Variants in AGBL1 observed in about 807,000 individuals in gnomAD.
AGBL1 encodes AGBL carboxypeptidase 1, also known as cytosolic carboxypeptidase 4.
AGBL1 carries 130 observed loss-of-function variants against 118.9 expected under a neutral mutation model. That is an observed-to-expected ratio of 1.09 (90% CI 0.95 to 1.26). AGBL1 has a LOEUF of 1.26. Ranked by LOEUF, AGBL1 falls within the 50% of genes most tolerant of loss-of-function variation. The pLI is 0.00. For missense variants in AGBL1, 1,584 were observed against 1,298.1 expected (o/e 1.22, Z -3.38); for synonymous variants, 555 against 478.9 (o/e 1.16, Z -2.08).
intron 5 of AGBL1, among the ~76,000 whole-genome samples, chr15:86,182,131 A>T (rs1216506822): frequency 6.6e-6 from 1 of 152,052 alleles, no homozygotes; most frequent in East Asian, 1.9e-4. Context: ...GGTGGGACAA[A>T]TAATTGGTTG....
At chr15:86,382,344 A>G (rs1464037344) in intron 17 of AGBL1, among the ~76,000 whole-genome samples, 2 of 152,204 alleles carry the variant, frequency 1.3e-5, no homozygotes, top group Non-Finnish European at 2.9e-5. Flanking sequence ...CTTTGTATGC[A>G]GATCTCAATT....
chr15:86,700,203 A>G (rs750372986), intron 22 of AGBL1, among the ~76,000 whole-genome samples: 11 of 151,906 alleles, frequency 7.2e-5, no homozygotes, highest in Non-Finnish European at 1.2e-4. Flanking sequence ...CATTATTATC[A>G]TTATTTATTT....
At chr15:86,680,700 G>T (rs2085938903) in intron 22 of AGBL1, among the ~76,000 whole-genome samples, 1 of 150,258 alleles carries the variant, frequency 6.7e-6, no homozygotes, top group African/African-American at 2.4e-5. Flanking sequence ...TTGAGTAGCT[G>T]GGATTACAGG....
chr15:86,811,976 TCTCA>T (rs1353139954), intron 22 of AGBL1, among the ~76,000 whole-genome samples: 2 of 152,212 alleles, frequency 1.3e-5, no homozygotes, highest in Non-Finnish European at 2.9e-5. Context: ...AAAATGCCTA[TCTCA>T]CTCACTTTTC....
chr15:86,817,575 GACACACAC>G (rs61414348), intron 22 of AGBL1, among the ~76,000 whole-genome samples: 9 of 130,674 alleles, frequency 6.9e-5, no homozygotes, highest in Non-Finnish European at 1.3e-4. Context: ...GAAAGAGACA[GACACACAC>G]ACACACACAC....
intron 18 of AGBL1, among the ~76,000 whole-genome samples, chr15:86,400,004 C>T (rs1171046039): frequency 6.6e-6 from 1 of 152,164 alleles, no homozygotes; most frequent in Non-Finnish European, 1.5e-5. Flanking sequence ...GGTCGTAGCA[C>T]ATCATTATGA....
At chr15:86,758,511 C>T (rs997789489) in intron 22 of AGBL1, among the ~76,000 whole-genome samples, 1 of 151,996 alleles carries the variant, frequency 6.6e-6, no homozygotes, top group African/African-American at 2.4e-5. Context: ...ATAATAGAGG[C>T]CAAGTCTGCT....
chr15:86,267,773 G>A lies in AGBL1; in HGVS notation c.1838+697G>A, dbSNP rs552650784. 2.1e-4 allele frequency among the ~76,000 whole-genome samples: 32 copies of A among 152,322 alleles called. No individual in the cohort carries two copies. In the South Asian group the frequency reaches 6.4e-3, roughly 31 times the overall value. ...TTAAAATTCTTTCTATTATAGCAGT[G>A]TGGATATATTTCCCATATACCAAAA... On this transcript the variant is annotated intron_variant, in intron 13 of 22. Coordinates refer to ENST00000614907, the MANE Select transcript of AGBL1 (RefSeq NM_001386094.1).
chr15:86,527,385 A>G (rs1367324874), intron 19 of AGBL1, among the ~76,000 whole-genome samples: 2 of 152,224 alleles, frequency 1.3e-5, no homozygotes, highest in Admixed American at 6.5e-5. Context: ...TTAATTAGCT[A>G]TAAACATGAC....
chr15:87,005,627 G>A (rs182418075), intron 24 of AGBL1, among the ~76,000 whole-genome samples: 10 of 152,148 alleles, frequency 6.6e-5, no homozygotes, highest in African/African-American at 2.2e-4. Flanking sequence ...TCTTTGCCAT[G>A]GGTTCGAACT....
chr15:86,252,036 T>G (rs970806063), intron 7 of AGBL1, among the ~76,000 whole-genome samples: 23 of 152,206 alleles, frequency 1.5e-4, no homozygotes, highest in African/African-American at 5.1e-4. Flanking sequence ...GAGGAATTGT[T>G]AAAACACAGA....
chr15:86,827,489 GTA>G (rs1218247459), intron 22 of AGBL1, among the ~76,000 whole-genome samples: 2 of 3,306 alleles, frequency 6.0e-4, no homozygotes, highest in Non-Finnish European at 1.2e-3. Flanking sequence ...ATATATGTGT[GTA>G]TATATATATA....
chr15:86,932,078 C>T (rs931354378), intron 23 of AGBL1, among the ~76,000 whole-genome samples: 8 of 152,180 alleles, frequency 5.3e-5, no homozygotes, highest in South Asian at 2.1e-4. Flanking sequence ...AGTTTACTCA[C>T]GGAGGAAGTG....
Position 86,806,626 on chromosome 15 carries a change from T to C in AGBL1, c.3159-100461T>C, listed in dbSNP as rs188912023. On this transcript the variant is annotated intron_variant, in intron 22 of 22. Coordinates refer to ENST00000614907, the MANE Select transcript of AGBL1 (RefSeq NM_001386094.1). ...TTAACCTCTCTATGCCTTCCCTTCCTAATCTGTAAAATGGGAGAAATAATA... is the reference window on the plus strand; with the variant it reads ...TTAACCTCTCTATGCCTTCCCTTCCCAATCTGTAAAATGGGAGAAATAATA... Among the ~76,000 whole-genome samples the C allele has an allele frequency of 1.5e-3, 235 of 152,222 alleles. 1 individual carries two copies. Among genetic ancestry groups the C allele is most frequent in the African/African-American group, 5.3e-3 (222 of 41,544 alleles).
At chr15:86,405,913 C>A (rs542307780) in intron 18 of AGBL1, among the ~76,000 whole-genome samples, 1 of 152,034 alleles carries the variant, frequency 6.6e-6, no homozygotes, top group East Asian at 1.9e-4. Flanking sequence ...GGAGGAGTTA[C>A]CAGAACCTAG....
At chr15:86,734,504 G>C (rs1265692167) in intron 22 of AGBL1, among the ~76,000 whole-genome samples, 1 of 152,110 alleles carries the variant, frequency 6.6e-6, no homozygotes, top group African/African-American at 2.4e-5. Context: ...GGTGTGGGCT[G>C]TGCCTCAGGT....
chr15:86,650,984 G>A (rs1161583734), intron 21 of AGBL1, among the ~76,000 whole-genome samples: 1 of 152,164 alleles, frequency 6.6e-6, no homozygotes, highest in Non-Finnish European at 1.5e-5. Flanking sequence ...AGCACTTCTT[G>A]GTTCAAATCC....
At chr15:86,369,965 C>A (rs774646644) in intron 17 of AGBL1, among the ~76,000 whole-genome samples, 1 of 152,100 alleles carries the variant, frequency 6.6e-6, no homozygotes, top group Non-Finnish European at 1.5e-5. Context: ...CAAAATCTAA[C>A]CATATTCCGG....
intron 18 of AGBL1, among the ~76,000 whole-genome samples, chr15:86,433,406 C>T (rs1022099827): frequency 6.6e-6 from 1 of 150,558 alleles, no homozygotes; most frequent in Non-Finnish European, 1.5e-5. Flanking sequence ...AAGGTGAAGG[C>T]CCCTGTTCAG....
Sources: allele counts gnomAD v4.1 joint callset (sites outside exome capture counted in the v4.1 genomes callset), GRCh38; gene constraint gnomAD v4.1.1; transcripts MANE v1.5; gene names NCBI Gene and HGNC (gene_info 2026-07-23, HGNC 2026-07-21).